The following PEMT variants were observed in gnomAD, a reference collection of about 807,000 sequenced individuals.
PEMT encodes phospholipid methyltransferase.
PEMT carries 23 observed loss-of-function variants against 27.4 expected under a neutral mutation model. That is an observed-to-expected ratio of 0.84 (90% confidence interval 0.60 to 1.19). The LOEUF is 1.19. Ranked by LOEUF, PEMT falls within the 50% of genes most tolerant of loss-of-function variation. The pLI, the probability that PEMT is intolerant of heterozygous loss-of-function variation, is 0.00. For missense variants in PEMT, 307 were observed against 310.1 expected (o/e 0.99, Z 0.07); for synonymous variants, 137 against 139.1 (o/e 0.98, Z 0.11).
chr17:17,514,886 G>A (rs1906702379), intron 3 of PEMT, among the ~76,000 whole-genome samples: 1 of 152,242 alleles, frequency 6.6e-6, no homozygotes, highest in South Asian at 2.1e-4. Flanking sequence ...AACAGACAGG[G>A]GTTGGGAGGG....
At chr17:17,575,424 G>C (rs1911513419) in intron 2 of PEMT, among the ~76,000 whole-genome samples, 1 of 152,234 alleles carries the variant, frequency 6.6e-6, no homozygotes, top group Non-Finnish European at 1.5e-5. Context: ...GTCTTTGCAG[G>C]ACCATTTTTC....
intron 2 of PEMT, among the ~76,000 whole-genome samples, chr17:17,532,005 T>C (rs1055958241): frequency 9.2e-5 from 14 of 152,268 alleles, no homozygotes; most frequent in Admixed American, 8.5e-4. Flanking sequence ...CAAAAATATA[T>C]ACAGAACTCT....
At chr17:17,575,731 C>T (rs1031977155) in intron 2 of PEMT, among the ~76,000 whole-genome samples, 2 of 152,222 alleles carry the variant, frequency 1.3e-5, no homozygotes, top group African/African-American at 4.8e-5. Context: ...CTCACTCCCA[C>T]CTCTGGACCT....
intron 2 of PEMT, among the ~76,000 whole-genome samples, chr17:17,543,027 G>A (rs1297357807): frequency 6.6e-6 from 1 of 152,212 alleles, no homozygotes; most frequent in East Asian, 1.9e-4. Context: ...ACTTAAATCA[G>A]TTACTTAAAC....
At chr17:17,564,904 C>G (rs762263581) in intron 2 of PEMT, among the ~76,000 whole-genome samples, 1 of 152,122 alleles carries the variant, frequency 6.6e-6, no homozygotes, top group Non-Finnish European at 1.5e-5. Flanking sequence ...CTGCACACAC[C>G]GGGTGGGGTC....
intron 2 of PEMT, among the ~76,000 whole-genome samples, chr17:17,567,933 T>C (rs1910940849): frequency 6.6e-6 from 1 of 152,218 alleles, no homozygotes; most frequent in Non-Finnish European, 1.5e-5. Flanking sequence ...CCACTGGATA[T>C]GCGGCCATGC....
At chr17:17,591,873 G>T, upstream of PEMT, 25 of 985,498 alleles carry the variant, frequency 2.5e-5, no homozygotes, top group Non-Finnish European at 3.0e-5. Flanking sequence ...GAGCCTGCCG[G>T]TTCCGCTGCA....
At chr17:17,586,631 G>T (rs919974338) in intron 1 of PEMT, among the ~76,000 whole-genome samples, 6 of 152,194 alleles carry the variant, frequency 3.9e-5, no homozygotes, top group Non-Finnish European at 7.3e-5. Context: ...AACCCTGTGG[G>T]ATGCGGCTAA....
intron 2 of PEMT, among the ~76,000 whole-genome samples, chr17:17,548,667 G>A (rs1241561017): frequency 6.6e-6 from 1 of 152,180 alleles, no homozygotes; most frequent in African/African-American, 2.4e-5. Flanking sequence ...TCCTGCCTCA[G>A]CCTCCTGAGT....
intron 1 of PEMT, among the ~76,000 whole-genome samples, chr17:17,588,377 T>C (rs946478966): frequency 6.6e-6 from 1 of 152,166 alleles, no homozygotes; most frequent in African/African-American, 2.4e-5. Context: ...GAGCTTTGCC[T>C]CCAGGGTCTT....
intron 2 of PEMT, among the ~76,000 whole-genome samples, chr17:17,557,436 A>G (rs1910136373): frequency 6.6e-6 from 1 of 152,254 alleles, no homozygotes; most frequent in Non-Finnish European, 1.5e-5. Context: ...GCACGCAGAA[A>G]GTCTTGGAGG....
At chr17:17,567,341 C>A (rs535645313) in intron 2 of PEMT, among the ~76,000 whole-genome samples, 12 of 152,402 alleles carry the variant, frequency 7.9e-5, no homozygotes, top group African/African-American at 2.6e-4. Flanking sequence ...CACCACAATT[C>A]TAAAGTTAGC....
chr17:17,513,716 G>A lies in PEMT; in HGVS notation c.321-1062C>T, dbSNP rs1012007692. On this transcript the variant is annotated intron_variant, in intron 3 of 6. Coordinates refer to ENST00000255389, the MANE Select transcript of PEMT (RefSeq NM_148172.3). The surrounding 1 kb of genome is among the most constrained non-coding windows in gnomAD (Gnocchi z 4.1). ...GGGCTGGTGCAGGGAGGGCACAGGG[G>A]CTAGGCATGTGCTGATGTACCCAGG... 2.0e-5 allele frequency among the ~76,000 whole-genome samples: 3 copies of A among 152,156 alleles called. No homozygotes were observed. The highest frequency in any genetic ancestry group is 7.2e-5 in the African/African-American group (3 of 41,432).
chr17:17,565,042 G>C (rs1910737827), intron 2 of PEMT, among the ~76,000 whole-genome samples: 2 of 152,214 alleles, frequency 1.3e-5, no homozygotes, highest in South Asian at 4.1e-4. Context: ...TGCCTTGCGA[G>C]ACAACAGCTG....
intron 2 of PEMT, among the ~76,000 whole-genome samples, chr17:17,531,168 C>G (rs1056813400): frequency 6.6e-6 from 1 of 152,116 alleles, no homozygotes; most frequent in East Asian, 1.9e-4. Context: ...GGTTAAAAGG[C>G]CGATTCCAGT....
At chr17:17,586,268 GAAAGAAAGAAAGAAAGAAAGA>G (rs1376410267) in intron 1 of PEMT, among the ~76,000 whole-genome samples, 22 of 109,790 alleles carry the variant, frequency 2.0e-4, no homozygotes, top group Admixed American at 7.4e-4. Context: ...AAGAAAGAAA[GAAAGAAAGAAAGAAAGAAAGA>G]AAAAAAAAAA....
At chr17:17,510,949 T>C (rs1017653056) in intron 4 of PEMT, among the ~76,000 whole-genome samples, 5 of 151,818 alleles carry the variant, frequency 3.3e-5, no homozygotes, top group African/African-American at 1.2e-4. Context: ...CTCACCGCCC[T>C]CACATCCTGG....
At chr17:17,516,471 A>G in intron 3 of PEMT, among the ~76,000 whole-genome samples, 1 of 152,150 alleles carries the variant, frequency 6.6e-6, no homozygotes, top group Non-Finnish European at 1.5e-5. Flanking sequence ...AGGGAAGCAG[A>G]TGGTAGAAAG....
intron 2 of PEMT, among the ~76,000 whole-genome samples, chr17:17,530,710 ATAT>A (rs891247094): frequency 5.3e-5 from 8 of 152,110 alleles, no homozygotes; most frequent in Non-Finnish European, 2.9e-5. Flanking sequence ...AATAATACAG[ATAT>A]TATTATTATT....
Sources: gnomAD v4.1 joint callset for allele counts (sites outside exome capture counted in the v4.1 genomes callset) on GRCh38, gnomAD v4.1.1 for gene constraint, Gnocchi (gnomAD v3.1) non-coding constraint, MANE v1.5 for transcripts, NCBI Gene and HGNC (gene_info 2026-07-23, HGNC 2026-07-21) for gene names.